NPLOC4: variants seen among roughly 807,000 people sequenced by gnomAD.
The protein encoded by NPLOC4 is NPL4 homolog, ubiquitin recognition factor, also known as nuclear protein localization protein 4 homolog.
A neutral mutation model predicts 80.6 loss-of-function variants in NPLOC4; 18 were observed. The ratio of observed to expected loss-of-function variants is 0.22; its 90% CI spans 0.15 to 0.33. NPLOC4 has a LOEUF of 0.33. Ranked by LOEUF, NPLOC4 falls within the 10% of genes least tolerant of loss-of-function variation. NPLOC4 has a pLI of 1.00. For synonymous variants in NPLOC4, 313 were observed against 301.5 expected (o/e 1.04, Z -0.39); for missense variants, 540 against 786.1 (o/e 0.69, Z 3.74).
chr17:81,578,089 C>T (rs1330418176), intron 12 of NPLOC4, among the ~76,000 whole-genome samples: 1 of 152,198 alleles, frequency 6.6e-6, no homozygotes, highest in African/African-American at 2.4e-5. Flanking sequence ...TACTGGCATC[C>T]AATGCCTGGA....
At chr17:81,605,294 A>AT (rs1555684357) in intron 7 of NPLOC4, among the ~76,000 whole-genome samples, 1 of 47,138 alleles carries the variant, frequency 2.1e-5, no homozygotes, top group African/African-American at 5.3e-5. Flanking sequence ...AAAAAAAAAT[A>AT]AATAATAATA....
intron 16 of NPLOC4, among the ~76,000 whole-genome samples, 185 bp from the exon 17 acceptor site, chr17:81,559,601 A>G (rs577295655): frequency 5.3e-5 from 8 of 152,136 alleles, no homozygotes; most frequent in South Asian, 2.1e-4. Flanking sequence ...GCCCTCAGAA[A>G]AATGCCTCCT....
At chr17:81,618,395 G>C (rs934341977) in intron 3 of NPLOC4, among the ~76,000 whole-genome samples, 1 of 151,490 alleles carries the variant, frequency 6.6e-6, no homozygotes, top group African/African-American at 2.4e-5. Context: ...CGCCCCGTCT[G>C]AGAAGTGAGG....
At chr17:81,581,763 A>G (rs1024840150) in intron 12 of NPLOC4, among the ~76,000 whole-genome samples, 2 of 152,306 alleles carry the variant, frequency 1.3e-5, no homozygotes, top group Non-Finnish European at 1.5e-5. Context: ...TGTCCAGAGG[A>G]GTGGGAATAA....
intron 3 of NPLOC4, among the ~76,000 whole-genome samples, chr17:81,616,531 C>G (rs1443223615): frequency 6.6e-6 from 1 of 151,598 alleles, no homozygotes; most frequent in Non-Finnish European, 1.5e-5. Flanking sequence ...GAGATTGAGA[C>G]GATCCTGGCT....
chr17:81,564,978 T>C (rs2033965901), intron 16 of NPLOC4: 1 of 325,648 alleles, frequency 3.1e-6, no homozygotes, highest in African/African-American at 2.2e-5. Flanking sequence ...CCTGCAGCAA[T>C]GCTGACAGAA....
rs1199065529 is a variant in NPLOC4 at position 81,620,983 on chromosome 17, AC to A, written c.209+1182del. Among the ~76,000 whole-genome samples the A allele has an allele frequency of 2.0e-4, 31 of 152,168 alleles. No homozygotes were observed. The South Asian group carries it at 5.8e-3, about 29-fold the overall frequency. ...GGCTGCAGTGAGCTACGATCGCACC[AC>A]CGCACTCCAGCCTGGGTGACACGGT... On this transcript the variant is annotated intron_variant, in intron 3 of 16. Coordinates refer to ENST00000331134, the MANE Select transcript of NPLOC4 (RefSeq NM_017921.4).
intron 3 of NPLOC4, among the ~76,000 whole-genome samples, chr17:81,616,862 T>A (rs2035507684): frequency 6.6e-6 from 1 of 152,094 alleles, no homozygotes; most frequent in Non-Finnish European, 1.5e-5. Flanking sequence ...CATGGGATAT[T>A]AAATGAACAA....
chr17:81,614,275 C>CAAAAAAAAAAAAAAAAA (rs535340434), intron 3 of NPLOC4: 1 of 60,168 alleles, frequency 1.7e-5, no homozygotes, highest in African/African-American at 7.4e-5. Flanking sequence ...GGCTCCATCT[C>CAAAAAAAAAAAAAAAAA]AAAAAAAAAA....
At chr17:81,634,819 G>A (rs1598701664) in intron 1 of NPLOC4, among the ~76,000 whole-genome samples, 1 of 151,310 alleles carries the variant, frequency 6.6e-6, no homozygotes. Flanking sequence ...TCCTGACCTC[G>A]TGATCCGCCC....
At chr17:81,587,630 TAA>T (rs57639613) in intron 12 of NPLOC4, among the ~76,000 whole-genome samples, 25 of 102,122 alleles carry the variant, frequency 2.4e-4, no homozygotes, top group East Asian at 5.6e-4. Context: ...CCTGTCTCTT[TAA>T]AAAAAAAAAA....
rs2036101944 is a variant in NPLOC4, at chr17:81,637,049, C to T, written c.-119G>A. On this transcript the variant is annotated 5_prime_UTR_variant, in exon 1 of 17. Coordinates refer to ENST00000331134, the MANE Select transcript of NPLOC4 (RefSeq NM_017921.4). ...CCCGGCCTCCCTACGCCGCCGCCAC[C>T]GCCGCTCCAGCTTCGCCCGCCCGGC... The T allele has an allele frequency of 1.9e-6, 1 of 533,046 alleles. No homozygotes were observed. The highest frequency in any genetic ancestry group is 2.7e-6 in the Non-Finnish European group (1 of 368,668). The allele number at this position is 533,046 out of a possible 1,614,324, so 33.0% of individuals were successfully genotyped here.
chr17:81,597,777 C>G (rs1348413571), intron 9 of NPLOC4, among the ~76,000 whole-genome samples: 2 of 130,718 alleles, frequency 1.5e-5, no homozygotes, highest in African/African-American at 6.0e-5. Flanking sequence ...GAATGAAACT[C>G]CATCTCAAAA....
intron 3 of NPLOC4, 106 bp downstream of exon 3, chr17:81,622,060 T>G: frequency 1.3e-6 from 1 of 775,684 alleles, no homozygotes; most frequent in Non-Finnish European, 2.3e-6. Context: ...GATAAGACCA[T>G]AATGAGTGGT....
rs764384241 is a variant in NPLOC4 at position 81,629,794 on chromosome 17, G to A, written c.27C>T (p.Val9=). Residue 9 remains valine (V), a synonymous_variant, in exon 2 of 17, where the codon GTC becomes GTT. Coordinates refer to ENST00000331134, the MANE Select transcript of NPLOC4 (RefSeq NM_017921.4). MAESIIIR[V]QSPDGVKRIT... ...TCCGCTTCACTCCATCCGGGGACTG[G>A]ACACGAATTATCTGTTGCAAACAAA... is the stretch of plus-strand genomic sequence containing the variant. 6.2e-7 allele frequency: 1 copy of A among 1,613,098 alleles called. No individual in the cohort carries two copies. Among genetic ancestry groups the A allele is most frequent in the East Asian group, 2.2e-5 (1 of 44,872 alleles).
At chr17:81,601,512 C>CCTA (rs2035055582) in intron 8 of NPLOC4, among the ~76,000 whole-genome samples, 2 of 152,136 alleles carry the variant, frequency 1.3e-5, no homozygotes, top group African/African-American at 4.8e-5. Context: ...CTGCCTTGCC[C>CCTA]CTACAAAGTG....
At chr17:81,621,390 G>A (rs2035663854) in intron 3 of NPLOC4, among the ~76,000 whole-genome samples, 1 of 152,204 alleles carries the variant, frequency 6.6e-6, no homozygotes, top group South Asian at 2.1e-4. Flanking sequence ...ATTCTGGCTG[G>A]TAAACAGGCT....
intron 8 of NPLOC4, among the ~76,000 whole-genome samples, chr17:81,602,980 TACACACACACAC>T (rs150613321): frequency 0.014 from 1,988 of 145,046 alleles, 63 homozygotes; most frequent in African/African-American, 0.048. Context: ...TATACACAAA[TACACACACACAC>T]ACACACACAC....
chr17:81,590,175 G>C (rs1237179366), intron 11 of NPLOC4, among the ~76,000 whole-genome samples: 2 of 152,244 alleles, frequency 1.3e-5, no homozygotes, highest in African/African-American at 4.8e-5. Context: ...ACAGTGTGGA[G>C]GTGCAGGTGC....
Sources: gnomAD v4.1 joint callset for allele counts (sites outside exome capture counted in the v4.1 genomes callset) on GRCh38, gnomAD v4.1.1 for gene constraint, MANE v1.5 for transcripts, NCBI Gene and HGNC (gene_info 2026-07-23, HGNC 2026-07-21) for gene names.